The following PGAP1 variants were observed in gnomAD, a reference collection of about 807,000 sequenced individuals.
PGAP1 encodes the protein GPI inositol-deacylase.
PGAP1 carries 76 observed loss-of-function variants against 127.0 expected under a neutral mutation model. That is an observed-to-expected ratio of 0.60 (90% CI 0.50 to 0.72). The LOEUF (loss-of-function observed/expected upper bound fraction) is 0.72, where lower values mean the gene tolerates loss of function less well. Ranked by LOEUF, PGAP1 falls within the 30% of genes least tolerant of loss-of-function variation. The pLI, the probability that PGAP1 is intolerant of heterozygous loss-of-function variation, is 0.00. For missense variants in PGAP1, 982 were observed against 1,071.3 expected (o/e 0.92, Z 1.16); for synonymous variants, 362 against 366.5 (o/e 0.99, Z 0.14).
chr2:196,858,040 TAAAG>T (rs1700943784), intron 20 of PGAP1, among the ~76,000 whole-genome samples: 1 of 152,092 alleles, frequency 6.6e-6, no homozygotes, highest in Non-Finnish European at 1.5e-5. Context: ...TGACAAAACT[TAAAG>T]AAACGAATGA....
In PGAP1 at chr2:196,922,589, C is replaced by CAG. The variant is rs758737113; in HGVS notation, c.148-2440_148-2439insCT. On this transcript the variant is annotated intron_variant, in intron 1 of 26. Coordinates refer to ENST00000354764, the MANE Select transcript of PGAP1 (RefSeq NM_024989.4). Reference sequence around the variant, plus strand: ...ACACACACACACAGACACACACACACACACACACACACACACACACACACA... The same window carrying CAG: ...ACACACACACACAGACACACACACACAGACACACACACACACACACACACACA... 2,684 of 793,602 alleles carry CAG rather than the reference C, an allele frequency of 3.4e-3. 5 individuals are homozygous for CAG. The highest frequency in any genetic ancestry group is 6.2e-3 in the Admixed American group (97 of 15,530). 49.2% of individuals were successfully genotyped at this position (793,602 alleles called of 1,614,324 possible).
intron 19 of PGAP1, 90 bp downstream of exon 19, chr2:196,870,851 C>T (rs1014412359): frequency 6.4e-5 from 70 of 1,099,878 alleles, no homozygotes; most frequent in Non-Finnish European, 8.6e-5. Context: ...ATTGATTATC[C>T]AGCCCCTTAT....
In PGAP1 at chr2:196,840,499, T is replaced by G. The variant is rs62185636; in HGVS notation, c.*735A>C. Reference sequence around the variant, plus strand: ...TAGCTACGAGCATTTTTTCTTTACATTTAACAGCAGACCTCTTTAATAGTC... The same window carrying G: ...TAGCTACGAGCATTTTTTCTTTACAGTTAACAGCAGACCTCTTTAATAGTC... On this transcript the variant is annotated 3_prime_UTR_variant, in exon 27 of 27. Transcript: ENST00000354764. 0.13 allele frequency: 19,736 copies of G among 152,134 alleles called. 1,352 individuals are homozygous for G. Among genetic ancestry groups the G allele is most frequent in the African/African-American group, 0.16 (6,819 of 41,502 alleles). The allele number at this position is 152,134 out of a possible 1,614,324, so 9.4% of individuals were successfully genotyped here.
At position 196,848,052 on chromosome 2, in the gene PGAP1, A is replaced by C; in HGVS notation, c.1862-15T>G. On this transcript the variant is annotated splice_polypyrimidine_tract_variant and intron_variant, in intron 20 of 26. Transcript: ENST00000354764. ...TAAGCAACAACCTGGTGATTTAAAAAAAGTTACATGCAATTTACAGTAATT... is the reference window on the plus strand; with the variant it reads ...TAAGCAACAACCTGGTGATTTAAAACAAGTTACATGCAATTTACAGTAATT... 6.4e-7 allele frequency: 1 copy of C among 1,564,000 alleles called. No homozygotes were observed. Among genetic ancestry groups the C allele is most frequent in the Non-Finnish European group, 8.7e-7 (1 of 1,151,384 alleles).
At chr2:196,864,432 AG>A (rs1453291221) in intron 20 of PGAP1, among the ~76,000 whole-genome samples, 1 of 146,450 alleles carries the variant, frequency 6.8e-6, no homozygotes, top group African/African-American at 2.5e-5. Flanking sequence ...TGATAATATT[AG>A]GGCACTATTG....
intron 22 of PGAP1, among the ~76,000 whole-genome samples, chr2:196,846,634 C>T (rs186169601): frequency 2.4e-4 from 37 of 152,216 alleles, no homozygotes; most frequent in Admixed American, 1.7e-3. Flanking sequence ...TAATCTGATC[C>T]TAATATCTGG....
chr2:196,918,914 C>T (rs1256641686), intron 2 of PGAP1, among the ~76,000 whole-genome samples: 1 of 152,122 alleles, frequency 6.6e-6, no homozygotes, highest in Non-Finnish European at 1.5e-5. Flanking sequence ...TTTTCTTACC[C>T]AAAGCTCTCC....
intron 19 of PGAP1, among the ~76,000 whole-genome samples, chr2:196,868,754 T>G (rs777698939): frequency 1.3e-5 from 2 of 152,192 alleles, no homozygotes; most frequent in Non-Finnish European, 2.9e-5. Context: ...AAATTTAACT[T>G]TATGAAAAGT....
chr2:196,901,069 T>C (rs1474824548), intron 5 of PGAP1, among the ~76,000 whole-genome samples: 2 of 152,210 alleles, frequency 1.3e-5, no homozygotes, highest in Non-Finnish European at 1.5e-5. Context: ...GTGGTATCAA[T>C]ACAGCATCAT....
chr2:196,921,703 T>C (rs1703198768), intron 1 of PGAP1, among the ~76,000 whole-genome samples: 1 of 152,112 alleles, frequency 6.6e-6, no homozygotes, highest in African/African-American at 2.4e-5. Context: ...TTTTATATAC[T>C]TCATAAAATA....
At position 196,885,461 on chromosome 2, in the gene PGAP1, T is replaced by A; in HGVS notation, c.1235A>T (p.Asp412Val). The change falls in exon 12 of 27, where the codon GAT becomes GTT. Residue 412 changes from aspartate to valine, a missense_variant. Coordinates refer to ENST00000354764, the MANE Select transcript of PGAP1 (RefSeq NM_024989.4). ...CAGCAGTTCAGCTTTCCATGATAAA[T>A]CAACCCCTTGCAGGCTTTGAAATAA... ...NSTSMCLQGVDLSWKAELLPT... is the reference protein window; with the variant it reads ...NSTSMCLQGVVLSWKAELLPT... The A allele has an allele frequency of 6.2e-7, 1 of 1,602,938 alleles. No homozygotes were observed. Among genetic ancestry groups the A allele is most frequent in the Non-Finnish European group, 8.5e-7 (1 of 1,173,574 alleles).
At chr2:196,924,607 AC>A (rs1225671376) in intron 1 of PGAP1, among the ~76,000 whole-genome samples, 2 of 152,158 alleles carry the variant, frequency 1.3e-5, no homozygotes, top group African/African-American at 4.8e-5. Context: ...AAAATCAAAA[AC>A]TTCTGCCACT....
At chr2:196,896,807 C>G (rs1576171336) in intron 7 of PGAP1, among the ~76,000 whole-genome samples, 1 of 120,898 alleles carries the variant, frequency 8.3e-6, no homozygotes, top group Non-Finnish European at 1.6e-5. Context: ...CCAGCCTGTG[C>G]AACAGAGTGA....
chr2:196,858,381 G>A (rs1057060969), intron 20 of PGAP1, among the ~76,000 whole-genome samples: 8 of 150,084 alleles, frequency 5.3e-5, no homozygotes, highest in South Asian at 4.2e-4. Flanking sequence ...CAGCCTGGGC[G>A]ACAGAGCAAG....
rs1175620455 is a variant in PGAP1 at position 196,834,461 on chromosome 2, A to C, written c.*6773T>G. 6.6e-6 allele frequency: 1 copy of C among 152,402 alleles called. No homozygotes were observed. The highest frequency in any genetic ancestry group is 2.4e-5 in the African/African-American group (1 of 41,424). The allele number at this position is 152,402 out of a possible 1,614,324, so 9.4% of individuals were successfully genotyped here. A position where few individuals can be genotyped will look rare whatever the true frequency, so the allele number is the denominator to read the frequency against. ...GGCACTCTTTATCATTTCAAGGCAC[A>C]CTCTGTTTTATCCCAAATGACTATA... On this transcript the variant is annotated 3_prime_UTR_variant, in exon 27 of 27. Coordinates refer to ENST00000354764, the MANE Select transcript of PGAP1 (RefSeq NM_024989.4).
chr2:196,899,485 T>C (rs1702403613), intron 5 of PGAP1, among the ~76,000 whole-genome samples: 1 of 152,220 alleles, frequency 6.6e-6, no homozygotes, highest in Non-Finnish European at 1.5e-5. Context: ...TCACTGTCGT[T>C]CTTAAATTAC....
Position 196,897,198 on chromosome 2 carries a change from C to G in PGAP1, c.861-1G>C. ...TGTAGTCAACTGCAATTGTTTACAC[C>G]TAAGGAATAAAGTAAGTGTTACAAA... is the stretch of plus-strand genomic sequence containing the variant. On this transcript the variant is annotated splice_acceptor_variant, in intron 6 of 26. Coordinates refer to ENST00000354764, the MANE Select transcript of PGAP1 (RefSeq NM_024989.4). LOFTEE classifies it high-confidence loss of function. 1 of 1,556,272 alleles carries G rather than the reference C, an allele frequency of 6.4e-7. No homozygotes were observed. The highest frequency in any genetic ancestry group is 8.7e-7 in the Non-Finnish European group (1 of 1,143,170).
chr2:196,873,766 A>T lies in PGAP1; in HGVS notation c.1427-8T>A, dbSNP rs2125801086. The T allele has an allele frequency of 6.3e-7, 1 of 1,581,518 alleles. No individual in the cohort carries two copies. The highest frequency in any genetic ancestry group is 1.7e-5 in the Admixed American group (1 of 59,920). On this transcript the variant is annotated splice_polypyrimidine_tract_variant and splice_region_variant and intron_variant, in intron 14 of 26. Coordinates refer to ENST00000354764, the MANE Select transcript of PGAP1 (RefSeq NM_024989.4). ...CTTTCCTTGAAGACAATCCTGTTGA[A>T]TTCAAAGTACTGTATTACTTAGAAT... is the stretch of plus-strand genomic sequence containing the variant.
In PGAP1 at chr2:196,875,785, T is replaced by G. The variant is rs2125802684; in HGVS notation, c.1387A>C (p.Arg463=). 1.9e-6 allele frequency: 3 copies of G among 1,538,806 alleles called. No individual in the cohort carries two copies. The highest frequency in any genetic ancestry group is 4.5e-5 in the East Asian group (2 of 44,296). The change falls in exon 14 of 27, where the codon AGA becomes CGA. Residue 463 remains arginine, a synonymous_variant. Coordinates refer to ENST00000354764, the MANE Select transcript of PGAP1 (RefSeq NM_024989.4). The part of the protein sequence containing the change: ...VDCEFFKKEK[R]YIQLPVTHLF... ...TGAGTTACAGGAAGCTGTATGTATC[T>G]TTTCTCTTTTTTAAAGAATTCACAA...
Sources: allele counts gnomAD v4.1 joint callset (sites outside exome capture counted in the v4.1 genomes callset), GRCh38; gene constraint gnomAD v4.1.1; transcripts MANE v1.5; gene names NCBI Gene and HGNC (gene_info 2026-07-23, HGNC 2026-07-21).